Variants in DCBLD1 observed in about 807,000 individuals in gnomAD.
DCBLD1 encodes discoidin, CUB and LCCL domain containing 1, also known as discoidin, CUB and LCCL domain-containing protein 1.
Under a neutral mutation model 71.5 loss-of-function variants are expected in DCBLD1, and 57 were observed. The ratio of observed to expected loss-of-function variants is 0.80; its 90% CI spans 0.64 to 0.99. The LOEUF (loss-of-function observed/expected upper bound fraction) is 0.99, where lower values mean the gene tolerates loss of function less well. DCBLD1 is among the 50% of genes least tolerant of loss of function. The probability of loss-of-function intolerance (pLI) is 0.00; values close to 1 mark genes in which losing one functional copy is unlikely to be tolerated. For synonymous variants in DCBLD1, 380 were observed against 363.8 expected, an observed-to-expected ratio of 1.04 and a Z score of -0.51; for missense variants, 891 against 923.5, an observed-to-expected ratio of 0.96 and a Z score of 0.46.
chr6:117,544,307 T>C, intron 12 of DCBLD1: 1 of 468,624 alleles, frequency 2.1e-6, no homozygotes, highest in East Asian at 3.4e-5. Context: ...TTAGTATATA[T>C]TCTTCTAGTG....
At chr6:117,563,657 G>T (rs910656326) in intron 14 of DCBLD1, among the ~76,000 whole-genome samples, 1 of 151,914 alleles carries the variant, frequency 6.6e-6, no homozygotes, top group African/African-American at 2.4e-5. Context: ...AGGAAGTGGA[G>T]GTTGCAGTGA....
rs9285421 is a variant in DCBLD1, at chr6:117,521,535, A to G, written c.471A>G (p.Thr157=). The G allele has an allele frequency of 0.067, 105,036 of 1,573,586 alleles. 8,097 individuals are homozygous for G. The highest frequency in any genetic ancestry group is 0.4 in the African/African-American group (28,282 of 71,194). ...CTTTATTTATGACAGATTTAATAAC[A>G]TGTTTGGAACGAGCTAGCCATTATT... ...YASSDHPDLI[T]CLERASHYLK... is the part of the protein sequence containing the mutation. The change falls in exon 4 of 15, where the codon ACA becomes ACG. Residue 157 remains threonine (T), a synonymous_variant. Coordinates refer to ENST00000338728, the MANE Select transcript of DCBLD1 (RefSeq NM_001366458.2).
At chr6:117,482,924 AC>A in intron 1 of DCBLD1, 31 bp downstream of exon 1, 1 of 1,169,928 alleles carries the variant, frequency 8.5e-7, no homozygotes, top group South Asian at 3.3e-5. Flanking sequence ...TGGCGGCGGG[AC>A]CCGAGGCGCC....
intron 3 of DCBLD1, among the ~76,000 whole-genome samples, chr6:117,520,796 G>A (rs210645): frequency 0.71 from 108,608 of 152,102 alleles, 39,862 homozygotes; most frequent in African/African-American, 0.87. Context: ...AGCTCTGGGA[G>A]TGAGGTGCGC....
intron 1 of DCBLD1, among the ~76,000 whole-genome samples, chr6:117,484,500 C>T (rs1777016924): frequency 1.3e-5 from 2 of 152,118 alleles, no homozygotes; most frequent in Non-Finnish European, 2.9e-5. Flanking sequence ...AGGTGCATCC[C>T]ACCACACCTG....
intron 6 of DCBLD1, among the ~76,000 whole-genome samples, chr6:117,535,952 G>A (rs1285237134): frequency 1.3e-5 from 2 of 152,144 alleles, no homozygotes; most frequent in African/African-American, 2.4e-5. Flanking sequence ...AATGATTGGT[G>A]CCTGCATTAT....
chr6:117,550,241 A>G (rs1779404228), downstream of DCBLD1, among the ~76,000 whole-genome samples: 2 of 152,088 alleles, frequency 1.3e-5, no homozygotes, highest in Admixed American at 1.3e-4. Flanking sequence ...GACCAGTGGG[A>G]GAACAGGACT....
intron 1 of DCBLD1, among the ~76,000 whole-genome samples, chr6:117,495,188 G>GCA (rs35189230): frequency 0.25 from 38,205 of 151,718 alleles, 4,871 homozygotes; most frequent in South Asian, 0.39. Flanking sequence ...GCCGATTAAA[G>GCA]CACACACACA....
chr6:117,525,952 C>A (rs1223827436), intron 5 of DCBLD1, among the ~76,000 whole-genome samples: 1 of 152,156 alleles, frequency 6.6e-6, no homozygotes, highest in African/African-American at 2.4e-5. Context: ...TAATCCTCCA[C>A]TTGTTTCTAT....
At chr6:117,496,252 A>G (rs1777466076) in intron 1 of DCBLD1, among the ~76,000 whole-genome samples, 1 of 151,780 alleles carries the variant, frequency 6.6e-6, no homozygotes, top group Non-Finnish European at 1.5e-5. Flanking sequence ...TCAGCATAGT[A>G]TTATTATCCA....
chr6:117,542,705 T>G (rs1779139635), intron 11 of DCBLD1, among the ~76,000 whole-genome samples: 1 of 151,982 alleles, frequency 6.6e-6, no homozygotes, highest in Admixed American at 6.6e-5. Flanking sequence ...CAAACCCGCC[T>G]GCCATCTGGG....
rs574187078 is a variant in DCBLD1, at chr6:117,527,756, G to A, written c.585+2322G>A. ...TAGACTGTCTTTGTGTGGGAAAGGT[G>A]CTGTAGAGTGGAGATGGGGGTGGTC... On this transcript the variant is annotated intron_variant, in intron 5 of 14. Transcript: ENST00000338728. 2.4e-4 allele frequency among the ~76,000 whole-genome samples: 36 copies of A among 152,284 alleles called. No homozygotes were observed. In the South Asian group the frequency reaches 7.0e-3, roughly 30 times the overall value.
At chr6:117,532,520 G>A (rs776275668) in intron 6 of DCBLD1, 127 bp downstream of exon 6, 41 of 1,218,662 alleles carry the variant, frequency 3.4e-5, no homozygotes, top group Non-Finnish European at 4.1e-5. Flanking sequence ...GGAAAAATAT[G>A]CATGAGTGCT....
chr6:117,531,313 T>C (rs941510523), intron 5 of DCBLD1, among the ~76,000 whole-genome samples: 1 of 152,216 alleles, frequency 6.6e-6, no homozygotes, highest in African/African-American at 2.4e-5. Flanking sequence ...TAAGGTTTAT[T>C]TAGGAAATTA....
intron 11 of DCBLD1, among the ~76,000 whole-genome samples, chr6:117,541,692 A>T (rs1239763042): frequency 6.6e-6 from 1 of 152,270 alleles, no homozygotes; most frequent in Admixed American, 6.5e-5. Context: ...CAAATAAGAA[A>T]ACAAAAATTA....
chr6:117,532,458 G>A, intron 6 of DCBLD1, 65 bp downstream of exon 6: 2 of 1,473,522 alleles, frequency 1.4e-6, no homozygotes, highest in Non-Finnish European at 1.8e-6. Context: ...TAATTAACCA[G>A]CTCACAACTT....
At chr6:117,484,216 C>T (rs1438030169) in intron 1 of DCBLD1, among the ~76,000 whole-genome samples, 1 of 152,130 alleles carries the variant, frequency 6.6e-6, no homozygotes, top group Non-Finnish European at 1.5e-5. Flanking sequence ...ACTAATCTGG[C>T]CAAAGCTGTC....
At chr6:117,502,416 T>C (rs1414386392) in intron 1 of DCBLD1, among the ~76,000 whole-genome samples, 1 of 152,230 alleles carries the variant, frequency 6.6e-6, no homozygotes, top group Non-Finnish European at 1.5e-5. Context: ...AGGCCTTGGC[T>C]GTTGAGATGA....
intron 1 of DCBLD1, among the ~76,000 whole-genome samples, chr6:117,483,380 C>T (rs1234949122): frequency 2.6e-5 from 4 of 152,192 alleles, no homozygotes; most frequent in Non-Finnish European, 2.9e-5. Flanking sequence ...ATTGGAATCC[C>T]GGCGTGTGCG....
Sources: gnomAD v4.1 joint callset for allele counts (sites outside exome capture counted in the v4.1 genomes callset) on GRCh38, gnomAD v4.1.1 for gene constraint, MANE v1.5 for transcripts, NCBI Gene and HGNC (gene_info 2026-07-23, HGNC 2026-07-21) for gene names.